LRRC45: variants seen among roughly 807,000 people sequenced by gnomAD.
LRRC45 encodes leucine rich repeat containing 45.
LRRC45 carries 73 observed loss-of-function variants against 85.4 expected under a neutral mutation model. That is an observed-to-expected ratio of 0.85 (90% confidence interval 0.71 to 1.04). The LOEUF is 1.04. Among genes scored for constraint, LRRC45 ranks in the 50% least tolerant of loss-of-function variants. The probability of loss-of-function intolerance (pLI) is 0.00; values close to 1 mark genes in which losing one functional copy is unlikely to be tolerated. For missense variants in LRRC45, 937 were observed against 883.3 expected (o/e 1.06, Z -0.77); for synonymous variants, 429 against 386.0 (o/e 1.11, Z -1.31).
At chr17:82,024,930 G>T in intron 3 of LRRC45, 70 bp from the exon 4 acceptor site, 1 of 1,460,792 alleles carries the variant, frequency 6.8e-7, no homozygotes, top group Non-Finnish European at 9.1e-7. Flanking sequence ...GCCCACACCC[G>T]TCCCCAAGCC....
In LRRC45 at chr17:82,030,989, C is replaced by G. The variant is rs2043416684; in HGVS notation, c.*184C>G. 4 of 420,522 alleles carry G rather than the reference C, an allele frequency of 9.5e-6. No individual in the cohort carries two copies. The highest frequency in any genetic ancestry group is 2.0e-5 in the African/African-American group (1 of 49,062). The allele number at this position is 420,522 out of a possible 1,614,324, so 26.0% of individuals were successfully genotyped here. A position where few individuals can be genotyped will look rare whatever the true frequency, so the allele number is the denominator to read the frequency against. The stretch of plus-strand genomic sequence containing the variant: ...CCCCGTGGGAGGCGCCTGGGAAGGG[C>G]TCCCTACCGGCCCCTTCTTCCCGGT... On this transcript the variant is annotated 3_prime_UTR_variant, in exon 17 of 17. Transcript: ENST00000306688.
At chr17:82,025,334 C>T (rs772087018) in intron 4 of LRRC45, 45 bp from the exon 5 acceptor site, 11 of 1,540,024 alleles carry the variant, frequency 7.1e-6, no homozygotes, top group African/African-American at 2.7e-5. Context: ...CCAGCTCCCC[C>T]TCTGCCAGGT....
intron 3 of LRRC45, 51 bp downstream of exon 3, chr17:82,024,814 G>T (rs369054147): frequency 9.2e-5 from 141 of 1,536,162 alleles, no homozygotes; most frequent in Non-Finnish European, 1.2e-4. Flanking sequence ...TTGAGGATTG[G>T]CCCCGAGCAC....
At chr17:82,025,316 C>T (rs71375068) in intron 4 of LRRC45, 63 bp from the exon 5 acceptor site, 23 of 1,529,862 alleles carry the variant, frequency 1.5e-5, no homozygotes, top group South Asian at 5.2e-5. Flanking sequence ...GGAAGCACCC[C>T]GGCCAGGCCA....
chr17:82,026,873 C>T, intron 5 of LRRC45, 26 bp from the exon 6 acceptor site: 2 of 1,569,200 alleles, frequency 1.3e-6, no homozygotes, highest in Non-Finnish European at 8.6e-7. Context: ...AGCCCCTGTG[C>T]CCAGCTGACA....
intron 7 of LRRC45, 85 bp downstream of exon 7, chr17:82,027,529 G>C (rs1171607507): frequency 1.3e-6 from 2 of 1,583,940 alleles, no homozygotes; most frequent in Admixed American, 3.4e-5. Flanking sequence ...CTGAGCCCAC[G>C]AGTGAGGCCA....
chr17:82,024,953 G>T, intron 3 of LRRC45, 47 bp from the exon 4 acceptor site: 1 of 1,495,088 alleles, frequency 6.7e-7, no homozygotes, highest in Non-Finnish European at 9.0e-7. Flanking sequence ...GGACCCCACG[G>T]GCTAGGCAGT....
At position 82,024,285 on chromosome 17, in the gene LRRC45, A is replaced by T. The variant is rs762563468; in HGVS notation, c.228A>T (p.Thr76=). The change falls in exon 2 of 17, where the codon ACA becomes ACT. Residue 76 remains threonine, a synonymous_variant. Transcript: ENST00000306688. The part of the protein sequence containing the change: ...SDCMLSEEGA[T]LLLRGLCANT... ...CCGGCCCCCCTTACACAGGGGCCACACTGCTGCTCCGAGGCCTGTGTGCCA... is the reference window on the plus strand; with the variant it reads ...CCGGCCCCCCTTACACAGGGGCCACTCTGCTGCTCCGAGGCCTGTGTGCCA... 1.2e-6 allele frequency: 2 copies of T among 1,612,154 alleles called. No homozygotes were observed. The highest frequency in any genetic ancestry group is 2.2e-5 in the South Asian group (2 of 91,084).
rs547906951 is a variant in LRRC45, at chr17:82,029,612, A to C, written c.1471A>C (p.Lys491Gln). 4 of 1,577,200 alleles carry C rather than the reference A, an allele frequency of 2.5e-6. No individual in the cohort carries two copies. In the East Asian group the frequency reaches 9.4e-5, roughly 37 times the overall value. Residue 491 changes from lysine to glutamine, a missense_variant, in exon 14 of 17, where the codon AAG (lysine) becomes CAG (glutamine). Transcript: ENST00000306688. Reference protein sequence around the residue: ...GQAEEELIKAKSQARLEEQQR... With the variant: ...GQAEEELIKAQSQARLEEQQR... ...GGCTGAGGAGGAGCTGATCAAGGCC[A>C]AGAGCCAGGCCCGCCTGGAGGAGGT...
chr17:82,025,344 T>G (rs777039107), intron 4 of LRRC45, 35 bp from the exon 5 acceptor site: 2 of 1,546,504 alleles, frequency 1.3e-6, no homozygotes, highest in Non-Finnish European at 1.7e-6. Flanking sequence ...CTCTGCCAGG[T>G]GCATTCTGTC....
Position 82,030,486 on chromosome 17 carries a change from T to C in LRRC45, c.1816+20T>C. ...TGAAAGGTGAGCCAGACCCTTGTCC[T>C]CCCGCCGCCCACTGGTGGGACGTGA... On this transcript the variant is annotated intron_variant, in intron 16 of 16. Coordinates refer to ENST00000306688, the MANE Select transcript of LRRC45 (RefSeq NM_144999.4). 2 of 1,535,588 alleles carry C rather than the reference T, an allele frequency of 1.3e-6. No homozygotes were observed. Among genetic ancestry groups the C allele is most frequent in the Non-Finnish European group, 1.7e-6 (2 of 1,144,330 alleles).
Position 82,027,367 on chromosome 17 carries a change from C to A in LRRC45, c.775-19C>A, listed in dbSNP as rs371249725. 1 of 1,612,192 alleles carries A rather than the reference C, an allele frequency of 6.2e-7. No homozygotes were observed. Among genetic ancestry groups the A allele is most frequent in the Non-Finnish European group, 8.5e-7 (1 of 1,179,822 alleles). On this transcript the variant is annotated intron_variant, in intron 6 of 16. Coordinates refer to ENST00000306688, the MANE Select transcript of LRRC45 (RefSeq NM_144999.4). ...GGCTGCAGGTGCCCTGACAGGGCTG[C>A]GGCTGTCTCTGTCCCCAGTTCCTCG...
chr17:82,030,842 T>G lies in LRRC45; in HGVS notation c.*37T>G, dbSNP rs1022930319. 7.7e-7 allele frequency: 1 copy of G among 1,301,190 alleles called. No individual in the cohort carries two copies. The highest frequency in any genetic ancestry group is 1.5e-5 in the African/African-American group (1 of 66,016). The allele number at this position is 1,301,190 out of a possible 1,614,324, so 80.6% of individuals were successfully genotyped here. A position where few individuals can be genotyped will look rare whatever the true frequency, so the allele number is the denominator to read the frequency against. On this transcript the variant is annotated 3_prime_UTR_variant, in exon 17 of 17. Transcript: ENST00000306688. ...AGGACCCGGGCGCAGTAGGAGTGCA[T>G]CAGGCGGCGCCCGAGATGGACCAGG...
At chr17:82,025,757 G>A (rs1018526365) in intron 5 of LRRC45, among the ~76,000 whole-genome samples, 11 of 152,222 alleles carry the variant, frequency 7.2e-5, no homozygotes, top group African/African-American at 2.4e-4. Flanking sequence ...GAGGGTGCCC[G>A]TTTCACAGCT....
chr17:82,030,262 C>A, intron 15 of LRRC45, 24 bp downstream of exon 15: 1 of 1,533,466 alleles, frequency 6.5e-7, no homozygotes, highest in Non-Finnish European at 8.8e-7. Context: ...CGGTGGGGGG[C>A]CCCGGGCGTG....
rs1395485043 is a variant in LRRC45, at chr17:82,024,260, C to A, written c.221-18C>A. 6.2e-7 allele frequency: 1 copy of A among 1,610,676 alleles called. No homozygotes were observed. Among genetic ancestry groups the A allele is most frequent in the Non-Finnish European group, 8.5e-7 (1 of 1,179,738 alleles). On this transcript the variant is annotated intron_variant, in intron 1 of 16. Coordinates refer to ENST00000306688, the MANE Select transcript of LRRC45 (RefSeq NM_144999.4). ...GGTCAGCAGGGGCAGAGAGTGACCG[C>A]CGGCCCCCCTTACACAGGGGCCACA...
In LRRC45 at chr17:82,027,409, T is replaced by A; in HGVS notation, c.798T>A (p.Ile266=). ...SKQFLDLMET[I]DKQREEMAKS... is the part of the protein sequence containing the mutation. ...AGTTCCTCGACTTGATGGAGACTAT[T>A]GATAAGCAGCGAGAAGAGATGGCCA... Residue 266 remains isoleucine (I), a synonymous_variant, in exon 7 of 17, where the codon ATT becomes ATA. Transcript: ENST00000306688. The A allele has an allele frequency of 6.2e-7, 1 of 1,612,666 alleles. No homozygotes were observed. The highest frequency in any genetic ancestry group is 8.5e-7 in the Non-Finnish European group (1 of 1,179,942).
chr17:82,029,688 C>T (rs992540186), intron 14 of LRRC45, 53 bp downstream of exon 14: 20 of 1,500,808 alleles, frequency 1.3e-5, no homozygotes, highest in African/African-American at 2.8e-5. Context: ...CCCGGCATTG[C>T]GGCCCGCATG....
chr17:82,023,410 C>T lies in LRRC45; in HGVS notation c.-234C>T. 2 of 515,816 alleles carry T rather than the reference C, an allele frequency of 3.9e-6. No homozygotes were observed. The highest frequency in any genetic ancestry group is 6.8e-6 in the Non-Finnish European group (2 of 294,726). The allele number at this position is 515,816 out of a possible 1,614,324, so 32.0% of individuals were successfully genotyped here. A position where few individuals can be genotyped will look rare whatever the true frequency, so the allele number is the denominator to read the frequency against. The stretch of plus-strand genomic sequence containing the variant: ...GGGCGCGCGACGCACCTGCCTGCTT[C>T]CTGCACGGGTGGTCCCCAAGCACTG... On this transcript the variant is annotated 5_prime_UTR_variant, in exon 1 of 17. Transcript: ENST00000306688.
Sources: allele counts gnomAD v4.1 joint callset (sites outside exome capture counted in the v4.1 genomes callset), GRCh38; gene constraint gnomAD v4.1.1; transcripts MANE v1.5; gene names NCBI Gene and HGNC (gene_info 2026-07-23, HGNC 2026-07-21).